The following SLC35F3 variants were observed in gnomAD, a reference collection of about 807,000 sequenced individuals.
SLC35F3 encodes the protein putative thiamine transporter SLC35F3.
A neutral mutation model predicts 49.9 loss-of-function variants in SLC35F3; 25 were observed. The ratio of observed to expected loss-of-function variants is 0.50; its 90% confidence interval spans 0.37 to 0.70. The LOEUF is 0.70. Ranked by LOEUF, SLC35F3 falls within the 30% of genes least tolerant of loss-of-function variation. The probability of loss-of-function intolerance (pLI) is 0.00; values close to 1 mark genes in which losing one functional copy is unlikely to be tolerated. For missense variants in SLC35F3, 525 were observed against 639.8 expected (o/e 0.82, Z 1.94); for synonymous variants, 275 against 265.4 (o/e 1.04, Z -0.35).
At position 234,257,703 on chromosome 1, in the gene SLC35F3, C is replaced by T. The variant is rs532259005; in HGVS notation, c.608+25962C>T. Among the ~76,000 whole-genome samples the T allele has an allele frequency of 5.9e-5, 9 of 152,038 alleles. No individual in the cohort carries two copies. The South Asian group carries it at 1.7e-3, about 28-fold the overall frequency. ...CTGCAATAAGAAAGTTGTAAAAGTG[C>T]GTTCAAGAAAGAGGATGCATTTTAA... On this transcript the variant is annotated intron_variant, in intron 3 of 7. Coordinates refer to ENST00000366618, the MANE Select transcript of SLC35F3 (RefSeq NM_173508.4).
At chr1:234,202,787 GAAAAGT>G (rs1033664001) in intron 2 of SLC35F3, among the ~76,000 whole-genome samples, 1 of 152,228 alleles carries the variant, frequency 6.6e-6, no homozygotes, top group Non-Finnish European at 1.5e-5. Context: ...ATACTCAAAG[GAAAAGT>G]AAAAAACCTT....
At chr1:233,930,155 GAAA>G (rs55771904) in intron 2 of SLC35F3, among the ~76,000 whole-genome samples, 40,825 of 145,810 alleles carry the variant, frequency 0.28, 6,258 homozygotes, top group Middle Eastern at 0.38. Flanking sequence ...TTTCTTAAAA[GAAA>G]AAAAAAAAAG....
At chr1:233,907,511 T>C (rs1661796264) in intron 2 of SLC35F3, among the ~76,000 whole-genome samples, 1 of 152,218 alleles carries the variant, frequency 6.6e-6, no homozygotes, top group Non-Finnish European at 1.5e-5. Context: ...AAGGCTACAG[T>C]GATCATTGAA....
At chr1:234,113,316 A>G (rs1352320111) in intron 2 of SLC35F3, among the ~76,000 whole-genome samples, 2 of 152,168 alleles carry the variant, frequency 1.3e-5, no homozygotes, top group African/African-American at 4.8e-5. Flanking sequence ...TCCCTTAAGC[A>G]TTTGTTTTTT....
At chr1:234,045,875 T>G (rs1370990735) in intron 2 of SLC35F3, among the ~76,000 whole-genome samples, 2 of 152,142 alleles carry the variant, frequency 1.3e-5, no homozygotes, top group Non-Finnish European at 2.9e-5. Context: ...TTGTGTATTT[T>G]TCAAAATTTA....
At chr1:233,950,618 C>T (rs768215847) in intron 2 of SLC35F3, among the ~76,000 whole-genome samples, 14 of 151,418 alleles carry the variant, frequency 9.2e-5, no homozygotes, top group Non-Finnish European at 2.1e-4. Flanking sequence ...TCCATCCCTC[C>T]ACCCTTTCTC....
In SLC35F3 at chr1:234,138,820, G is replaced by T. The variant is rs9435564; in HGVS notation, c.284-92597G>T. On this transcript the variant is annotated intron_variant, in intron 2 of 7. Coordinates refer to ENST00000366618, the MANE Select transcript of SLC35F3 (RefSeq NM_173508.4). ...TCCTCCTCAGCCTCCCAAAGTGTTGGAATTATACAGGCGAGAGCCACTGCC... is the reference window on the plus strand; with the variant it reads ...TCCTCCTCAGCCTCCCAAAGTGTTGTAATTATACAGGCGAGAGCCACTGCC... 2.8e-3 allele frequency among the ~76,000 whole-genome samples: 433 copies of T among 152,302 alleles called. 4 individuals carry two copies. The highest frequency in any genetic ancestry group is 0.01 in the African/African-American group (419 of 41,562).
intron 2 of SLC35F3, among the ~76,000 whole-genome samples, chr1:233,976,771 C>T (rs1426194759): frequency 1.3e-5 from 2 of 152,114 alleles, no homozygotes; most frequent in Non-Finnish European, 2.9e-5. Context: ...CCACCACGCC[C>T]AGCTAATTTT....
intron 2 of SLC35F3, among the ~76,000 whole-genome samples, chr1:234,152,215 A>ATTATTG (rs1553309903): frequency 3.5e-5 from 5 of 141,696 alleles, no homozygotes; most frequent in Admixed American, 7.1e-5. Flanking sequence ...GAGTAACATT[A>ATTATTG]TTATTATTAT....
chr1:233,918,830 A>C (rs1285340818), intron 2 of SLC35F3, among the ~76,000 whole-genome samples: 1 of 141,504 alleles, frequency 7.1e-6, no homozygotes, highest in Non-Finnish European at 1.6e-5. Context: ...ATATATATAT[A>C]TATATTTGTG....
chr1:234,249,711 T>C (rs1000974219), intron 3 of SLC35F3, among the ~76,000 whole-genome samples: 6 of 152,238 alleles, frequency 3.9e-5, no homozygotes, highest in African/African-American at 1.2e-4. Context: ...TGAATTCAAA[T>C]GGTCTCTCAC....
At chr1:233,946,763 C>T (rs2102802259) in intron 2 of SLC35F3, among the ~76,000 whole-genome samples, 1 of 152,318 alleles carries the variant, frequency 6.6e-6, no homozygotes, top group East Asian at 1.9e-4. Flanking sequence ...GAAATGGGCA[C>T]TGCATTTAGA....
chr1:234,253,717 G>A (rs1342237104), intron 3 of SLC35F3, among the ~76,000 whole-genome samples: 1 of 152,202 alleles, frequency 6.6e-6, no homozygotes, highest in African/African-American at 2.4e-5. Flanking sequence ...GATGAGCTCA[G>A]TTTTTAAAAG....
chr1:234,066,507 A>G (rs1471971745), intron 2 of SLC35F3, among the ~76,000 whole-genome samples: 6 of 152,080 alleles, frequency 3.9e-5, no homozygotes, highest in Admixed American at 2.0e-4. Context: ...TAAGCAATCC[A>G]TGGAGGTAGG....
At chr1:233,912,746 A>G (rs1011305556) in intron 2 of SLC35F3, among the ~76,000 whole-genome samples, 5 of 152,222 alleles carry the variant, frequency 3.3e-5, no homozygotes, top group Admixed American at 2.0e-4. Context: ...ATGAAGTGGG[A>G]AGGTTCAAGA....
intron 2 of SLC35F3, among the ~76,000 whole-genome samples, chr1:234,038,543 A>T (rs1290381163): frequency 6.6e-6 from 1 of 152,114 alleles, no homozygotes; most frequent in Non-Finnish European, 1.5e-5. Flanking sequence ...CGCCACACTG[A>T]CTTCCACAAT....
chr1:233,916,606 A>G (rs1320811930), intron 2 of SLC35F3, among the ~76,000 whole-genome samples: 3 of 152,370 alleles, frequency 2.0e-5, no homozygotes, highest in Non-Finnish European at 2.9e-5. Context: ...TAAATAAAGT[A>G]TATGTAATTA....
At chr1:234,057,418 T>A (rs1284311122) in intron 2 of SLC35F3, among the ~76,000 whole-genome samples, 2 of 152,214 alleles carry the variant, frequency 1.3e-5, no homozygotes, top group African/African-American at 4.8e-5. Context: ...TTTATGCTAT[T>A]GTAAATGGAA....
intron 2 of SLC35F3, among the ~76,000 whole-genome samples, chr1:234,202,601 G>C (rs1666915424): frequency 6.6e-6 from 1 of 152,248 alleles, no homozygotes; most frequent in Admixed American, 6.5e-5. Flanking sequence ...CTGTTTTGCT[G>C]TCTTTCCCAC....
Sources: allele counts gnomAD v4.1 joint callset (sites outside exome capture counted in the v4.1 genomes callset), GRCh38; gene constraint gnomAD v4.1.1; transcripts MANE v1.5; gene names NCBI Gene and HGNC (gene_info 2026-07-23, HGNC 2026-07-21).